EXOC3L2: variants seen among roughly 807,000 people sequenced by gnomAD.
The protein encoded by EXOC3L2 is exocyst complex component 3 like 2.
A neutral mutation model predicts 44.4 loss-of-function variants in EXOC3L2; 17 were observed. The ratio of observed to expected loss-of-function variants is 0.38; its 90% CI spans 0.26 to 0.57. EXOC3L2 has a LOEUF of 0.57. Among genes scored for constraint, EXOC3L2 ranks in the 20% least tolerant of loss-of-function variants. The pLI is 0.65. For synonymous variants in EXOC3L2, 256 were observed against 253.7 expected, an observed-to-expected ratio of 1.01 and a Z score of -0.09; for missense variants, 541 against 588.4, an observed-to-expected ratio of 0.92 and a Z score of 0.83.
chr19:45,224,677 C>A (rs766694002), intron 8 of EXOC3L2, 101 bp downstream of exon 8: 4 of 1,431,262 alleles, frequency 2.8e-6, no homozygotes, highest in Non-Finnish European at 3.7e-6. Context: ...TGTCTGCTTC[C>A]CAAACACTGA....
At chr19:45,231,050 C>A (rs901995059) in intron 4 of EXOC3L2, among the ~76,000 whole-genome samples, 1 of 151,940 alleles carries the variant, frequency 6.6e-6, no homozygotes, top group African/African-American at 2.4e-5. Flanking sequence ...AATCATGCCA[C>A]TGCACTCCAG....
intron 8 of EXOC3L2, among the ~76,000 whole-genome samples, chr19:45,220,241 G>A (rs998470707): frequency 6.6e-6 from 1 of 152,058 alleles, no homozygotes; most frequent in Non-Finnish European, 1.5e-5. Context: ...CAGCACTTTG[G>A]GAGGCTGAGG....
intron 2 of EXOC3L2, among the ~76,000 whole-genome samples, chr19:45,236,526 G>GTTGGGC (rs1436722964): frequency 1.3e-5 from 2 of 150,678 alleles, no homozygotes; most frequent in Non-Finnish European, 3.0e-5. Flanking sequence ...GTGGAAGTGA[G>GTTGGGC]TTGGGCTTGG....
intron 3 of EXOC3L2, among the ~76,000 whole-genome samples, chr19:45,232,838 G>T (rs751151914): frequency 1.3e-5 from 2 of 152,142 alleles, no homozygotes; most frequent in Non-Finnish European, 2.9e-5. Flanking sequence ...AGCACTTTGG[G>T]AGGCCAAGGT....
At chr19:45,244,766 C>T (rs553906581) in intron 1 of EXOC3L2, among the ~76,000 whole-genome samples, 8 of 152,218 alleles carry the variant, frequency 5.3e-5, no homozygotes, top group Middle Eastern at 3.4e-3. Context: ...TATTAGAGAA[C>T]GGTCTTTCCA....
At chr19:45,230,770 C>G (rs1970022674) in intron 4 of EXOC3L2, among the ~76,000 whole-genome samples, 1 of 152,150 alleles carries the variant, frequency 6.6e-6, no homozygotes, top group African/African-American at 2.4e-5. Context: ...TGCAAAGGTT[C>G]TCACATCTCT....
rs185693139 is a variant in EXOC3L2 at position 45,215,121 on chromosome 19, A to G, written c.2120+952T>C. On this transcript the variant is annotated intron_variant, in intron 11 of 11. Coordinates refer to ENST00000413988, the MANE Select transcript of EXOC3L2 (RefSeq NM_001382422.1). Reference sequence around the variant, plus strand: ...AGATCACTGCACTTCAGCCTGGGCGACAAAGTGAGACTCTGTCTCAAAAAA... The same window carrying G: ...AGATCACTGCACTTCAGCCTGGGCGGCAAAGTGAGACTCTGTCTCAAAAAA... Among the ~76,000 whole-genome samples the G allele has an allele frequency of 1.6e-3, 249 of 152,202 alleles. 1 individual carries two copies. The highest frequency in any genetic ancestry group is 5.3e-3 in the African/African-American group (219 of 41,550).
At chr19:45,222,324 C>G (rs758775325) in intron 8 of EXOC3L2, among the ~76,000 whole-genome samples, 1 of 151,742 alleles carries the variant, frequency 6.6e-6, no homozygotes, top group South Asian at 2.1e-4. Context: ...CTCAGCCTCC[C>G]GAGTAGCTGG....
intron 10 of EXOC3L2, among the ~76,000 whole-genome samples, chr19:45,217,101 C>A (rs1969843544): frequency 6.6e-6 from 1 of 152,016 alleles, no homozygotes; most frequent in Admixed American, 6.6e-5. Flanking sequence ...CGGCTCACTG[C>A]AACCTCCGCC....
chr19:45,228,425 C>G (rs981255826), intron 4 of EXOC3L2, among the ~76,000 whole-genome samples, 159 bp from the exon 5 acceptor site: 2 of 151,996 alleles, frequency 1.3e-5, no homozygotes, highest in Admixed American at 6.6e-5. Context: ...GGAGGCTGAG[C>G]CAGAAAACTT....
Position 45,217,538 on chromosome 19 carries a change from A to T in EXOC3L2, c.1988T>A (p.Phe663Tyr). The T allele has an allele frequency of 1.9e-6, 3 of 1,577,934 alleles. No individual in the cohort carries two copies. Among genetic ancestry groups the T allele is most frequent in the Non-Finnish European group, 8.6e-7 (1 of 1,168,790 alleles). The change falls in exon 10 of 12, where the codon TTC becomes TAC. Residue 663 changes from phenylalanine (F) to tyrosine (Y), a missense_variant. Physicochemically the swap from Phe to Tyr is conservative, Grantham distance 22. Transcript: ENST00000413988. Reference sequence around the variant, plus strand: ...CGTCCCGACACTGACCAGCCGCCGGAACAGCCTCTGCAGTTGCGCCGCGTC... The same window carrying T: ...CGTCCCGACACTGACCAGCCGCCGGTACAGCCTCTGCAGTTGCGCCGCGTC... ...REDAAQLQRL[F>Y]RRLESQASWL...
chr19:45,239,179 A>G (rs1970110044), intron 1 of EXOC3L2, 118 bp from the exon 2 acceptor site: 2 of 393,980 alleles, frequency 5.1e-6, no homozygotes, highest in African/African-American at 2.2e-5. Flanking sequence ...TGAGCACTTA[A>G]TAAGCCCTTG....
At position 45,224,852 on chromosome 19, in the gene EXOC3L2, A is replaced by T; in HGVS notation, c.1645T>A (p.Ser549Thr). The change falls in exon 8 of 12, where the codon TCT (serine) becomes ACT (threonine). Residue 549 changes from serine to threonine, a missense_variant. Transcript: ENST00000413988. ...PPESEPAREA[S>T]ASALDHVTRL... is the part of the protein sequence containing the mutation. ...GTCACATGGTCCAGAGCACTAGCAG[A>T]TGCTTCCCGGGCCGGCTCGCTTTCT... The T allele has an allele frequency of 6.3e-7, 1 of 1,590,116 alleles. No homozygotes were observed. The highest frequency in any genetic ancestry group is 8.6e-7 in the Non-Finnish European group (1 of 1,167,484).
chr19:45,219,086 A>G (rs1438191664), intron 8 of EXOC3L2, among the ~76,000 whole-genome samples: 3 of 152,082 alleles, frequency 2.0e-5, no homozygotes, highest in African/African-American at 7.2e-5. Flanking sequence ...GGTGGCGTGC[A>G]ACTGTAGTTC....
rs1399228854 is a variant in EXOC3L2 at position 45,213,347 on chromosome 19, C to T, written c.2131G>A (p.Val711Met). 3 of 1,613,406 alleles carry T rather than the reference C, an allele frequency of 1.9e-6. No individual in the cohort carries two copies. The highest frequency in any genetic ancestry group is 2.5e-6 in the Non-Finnish European group (3 of 1,179,736). Residue 711 changes from valine (V) to methionine (M), a missense_variant, in exon 12 of 12, where the codon GTG becomes ATG. Coordinates refer to ENST00000413988, the MANE Select transcript of EXOC3L2 (RefSeq NM_001382422.1). The stretch of plus-strand genomic sequence containing the variant: ...CCACGGATGTCGAGGAGGGCTGCCA[C>T]GTGCTTCTGCCTGTGGGGAGAGGAA... Reference protein sequence around the residue: ...RDYPDIRQKHVAALLDIRGLR... With the variant: ...RDYPDIRQKHMAALLDIRGLR...
chr19:45,217,507 C>CA, intron 10 of EXOC3L2, 21 bp downstream of exon 10: 2 of 1,563,590 alleles, frequency 1.3e-6, no homozygotes, highest in Non-Finnish European at 1.7e-6. Flanking sequence ...GAAACACCCC[C>CA]AACCGCGTCC....
chr19:45,226,747 CTTTTTTT>C (rs957385712), intron 7 of EXOC3L2, among the ~76,000 whole-genome samples: 3 of 90,670 alleles, frequency 3.3e-5, no homozygotes, highest in African/African-American at 1.2e-4. Flanking sequence ...ACTCCCATCT[CTTTTTTT>C]TTTTTTTTTT....
In EXOC3L2 at chr19:45,212,899, G is replaced by A. The variant is rs572206227; in HGVS notation, c.*170C>T. 2.4e-4 allele frequency: 170 copies of A among 711,878 alleles called. No individual in the cohort carries two copies. Among genetic ancestry groups the A allele is most frequent in the Non-Finnish European group, 3.2e-4 (155 of 482,364 alleles). The allele number at this position is 711,878 out of a possible 1,614,324, so 44.1% of individuals were successfully genotyped here. A position where few individuals can be genotyped will look rare whatever the true frequency, so the allele number is the denominator to read the frequency against. ...ACAGGCATGAGCCACCGTGCCTGGC[G>A]TTTGTTTCCCTTCTGTACAGGGAGT... On this transcript the variant is annotated 3_prime_UTR_variant, in exon 12 of 12. Coordinates refer to ENST00000413988, the MANE Select transcript of EXOC3L2 (RefSeq NM_001382422.1).
At position 45,221,992 on chromosome 19, in the gene EXOC3L2, G is replaced by T. The variant is rs148021310; in HGVS notation, c.1719+2786C>A. 1.7e-3 allele frequency among the ~76,000 whole-genome samples: 251 copies of T among 151,492 alleles called. 1 individual carries two copies. The highest frequency in any genetic ancestry group is 7.0e-3 in the Middle Eastern group (2 of 286). Reference sequence around the variant, plus strand: ...CTCCAAAAATGGAGCAAGGCATGAGGGAACCCACATAATGCCTGGGCCCTG... The same window carrying T: ...CTCCAAAAATGGAGCAAGGCATGAGTGAACCCACATAATGCCTGGGCCCTG... On this transcript the variant is annotated intron_variant, in intron 8 of 11. Transcript: ENST00000413988.
Sources: gnomAD v4.1 joint callset for allele counts (sites outside exome capture counted in the v4.1 genomes callset) on GRCh38, gnomAD v4.1.1 for gene constraint, MANE v1.5 for transcripts, NCBI Gene and HGNC (gene_info 2026-07-23, HGNC 2026-07-21) for gene names.